NCK1: variants seen among roughly 807,000 people sequenced by gnomAD.
The protein encoded by NCK1 is SH2/SH3 adapter protein NCK1.
A neutral mutation model predicts 36.6 loss-of-function variants in NCK1; 19 were observed. The observed-to-expected ratio is 0.52, with a 90% CI of 0.36 to 0.76. NCK1 has a LOEUF of 0.76. Among genes scored for constraint, NCK1 ranks in the 30% least tolerant of loss-of-function variants. The probability of loss-of-function intolerance (pLI) is 0.00; values close to 1 mark genes in which losing one functional copy is unlikely to be tolerated. For missense variants in NCK1, 358 were observed against 445.6 expected (o/e 0.80, Z 1.77); for synonymous variants, 165 against 156.0 (o/e 1.06, Z -0.43).
intron 1 of NCK1, among the ~76,000 whole-genome samples, chr3:136,890,804 T>C (rs188877138): frequency 6.6e-6 from 1 of 152,206 alleles, no homozygotes; most frequent in South Asian, 2.1e-4. Flanking sequence ...CACATTGTTA[T>C]GCAGCCATCA....
Position 136,888,232 on chromosome 3 carries a change from C to T in NCK1, c.-19+25879C>T, listed in dbSNP as rs143160760. ...TGCTGAGATTACAGGTGTGAGCCAC[C>T]GTGCCTGGCCCTCCTTGCTTTATTT... is the stretch of plus-strand genomic sequence containing the variant. On this transcript the variant is annotated intron_variant, in intron 1 of 3. Transcript: ENST00000481752. Among the ~76,000 whole-genome samples the T allele has an allele frequency of 7.7e-3, 1,174 of 152,154 alleles. 18 individuals are homozygous for T. The highest frequency in any genetic ancestry group is 0.027 in the African/African-American group (1,109 of 41,506).
chr3:136,928,438 G>A (rs544093293), intron 2 of NCK1: 1 of 553,588 alleles, frequency 1.8e-6, no homozygotes, highest in African/African-American at 1.9e-5. Flanking sequence ...CATGCTCCAA[G>A]TCAAGGCAGA....
At chr3:136,884,982 A>G (rs760428778) in intron 1 of NCK1, among the ~76,000 whole-genome samples, 6 of 152,058 alleles carry the variant, frequency 3.9e-5, no homozygotes, top group African/African-American at 1.4e-4. Flanking sequence ...CGGCCTCCCA[A>G]AGTGTTGAGA....
chr3:136,926,716 C>A (rs1017966607), intron 1 of NCK1, among the ~76,000 whole-genome samples: 1 of 152,092 alleles, frequency 6.6e-6, no homozygotes, highest in Non-Finnish European at 1.5e-5. Context: ...ATGATTTCTT[C>A]TTAGATTCAT....
chr3:136,879,367 A>G (rs1484543900), intron 1 of NCK1, among the ~76,000 whole-genome samples: 1 of 152,172 alleles, frequency 6.6e-6, no homozygotes, highest in African/African-American at 2.4e-5. Flanking sequence ...GCAGAATGAG[A>G]GGCTCTATGG....
At chr3:136,938,804 G>C (rs1215491766) in intron 2 of NCK1, among the ~76,000 whole-genome samples, 1 of 152,172 alleles carries the variant, frequency 6.6e-6, no homozygotes, top group Admixed American at 6.5e-5. Context: ...GCCTAACCCT[G>C]TTTTTCCCTT....
At chr3:136,884,709 A>G (rs1939030509) in intron 1 of NCK1, among the ~76,000 whole-genome samples, 1 of 136,234 alleles carries the variant, frequency 7.3e-6, no homozygotes, top group Non-Finnish European at 1.5e-5. Context: ...TTGAGCCACC[A>G]TGCCTGAGCT....
chr3:136,940,031 A>T, intron 2 of NCK1, among the ~76,000 whole-genome samples: 1 of 151,282 alleles, frequency 6.6e-6, no homozygotes, highest in Middle Eastern at 3.4e-3. Flanking sequence ...ATTTTATTTT[A>T]CTTTTTATTT....
At chr3:136,893,039 G>C (rs574024315) in intron 1 of NCK1, among the ~76,000 whole-genome samples, 1 of 149,148 alleles carries the variant, frequency 6.7e-6, no homozygotes, top group African/African-American at 2.5e-5. Flanking sequence ...TACGATGTTT[G>C]GTTTTCCATT....
intron 1 of NCK1, among the ~76,000 whole-genome samples, chr3:136,920,529 CTT>C (rs1438203469): frequency 1.1e-4 from 17 of 152,198 alleles, no homozygotes; most frequent in Non-Finnish European, 1.2e-4. Flanking sequence ...CTTTGACAAA[CTT>C]ATAAATATCT....
In NCK1 at chr3:136,917,977, C is replaced by G. The variant is rs190014379; in HGVS notation, c.-18-10007C>G. On this transcript the variant is annotated intron_variant, in intron 1 of 3. Transcript: ENST00000481752. ...TCTTGTGTTGCTTCTCTGGATCTGT[C>G]CTGTTTTATACCTGACACCTGGCCT... Among the ~76,000 whole-genome samples the G allele has an allele frequency of 2.9e-3, 442 of 152,232 alleles. 7 individuals carry two copies. The highest frequency in any genetic ancestry group is 9.4e-3 in the African/African-American group (390 of 41,524).
Position 136,928,272 on chromosome 3 carries a change from C to T in NCK1, c.226+45C>T. ...AAAAGCAACTTTGTTTTAAATGAAA[C>T]CTGCAACTTAGTTCTTTGTACATAA... is the stretch of plus-strand genomic sequence containing the variant. On this transcript the variant is annotated intron_variant, in intron 2 of 3. Transcript: ENST00000481752. 2.0e-6 allele frequency: 3 copies of T among 1,507,078 alleles called. No individual in the cohort carries two copies. The East Asian group carries it at 7.0e-5, about 35-fold the overall frequency. 93.4% of individuals were successfully genotyped at this position (1,507,078 alleles called of 1,614,324 possible).
chr3:136,878,561 A>G (rs1309707609), intron 1 of NCK1, among the ~76,000 whole-genome samples: 1 of 152,158 alleles, frequency 6.6e-6, no homozygotes, highest in Non-Finnish European at 1.5e-5. Flanking sequence ...AAGTGACTCT[A>G]GGGTATGGAG....
intron 2 of NCK1, among the ~76,000 whole-genome samples, chr3:136,931,548 C>A (rs1466975551): frequency 7.0e-6 from 1 of 143,722 alleles, no homozygotes; most frequent in East Asian, 2.2e-4. Flanking sequence ...TGGGGAGTTA[C>A]TAAAATTTCA....
At chr3:136,926,626 A>G (rs947985779) in intron 1 of NCK1, among the ~76,000 whole-genome samples, 5 of 152,112 alleles carry the variant, frequency 3.3e-5, no homozygotes, top group Non-Finnish European at 7.4e-5. Flanking sequence ...CTGTCTATAT[A>G]CACTCCTCTT....
intron 1 of NCK1, among the ~76,000 whole-genome samples, chr3:136,921,931 G>A (rs980521766): frequency 6.6e-6 from 1 of 152,078 alleles, no homozygotes; most frequent in Non-Finnish European, 1.5e-5. Context: ...CTACAGGCAC[G>A]CACCACCACG....
chr3:136,901,921 T>C (rs1939550596), intron 1 of NCK1, among the ~76,000 whole-genome samples: 1 of 152,140 alleles, frequency 6.6e-6, no homozygotes, highest in South Asian at 2.1e-4. Flanking sequence ...GGTTTGGTTC[T>C]AGTTCCTTAA....
At position 136,930,678 on chromosome 3, in the gene NCK1, C is replaced by T. The variant is rs1040598500; in HGVS notation, c.226+2451C>T. On this transcript the variant is annotated intron_variant, in intron 2 of 3. Coordinates refer to ENST00000481752, the MANE Select transcript of NCK1 (RefSeq NM_001291999.2). ...GCTTTTGTAAATTTAAAGGAAAACT[C>T]TTATTTGGTGGGTTTATGTAAGCTA... The T allele has an allele frequency of 7.6e-6, 9 of 1,179,392 alleles. No individual in the cohort carries two copies. In the Admixed American group the frequency reaches 2.5e-4, roughly 33 times the overall value. 73.1% of individuals were successfully genotyped at this position (1,179,392 alleles called of 1,614,324 possible).
At chr3:136,871,799 G>A (rs1938626109) in intron 1 of NCK1, among the ~76,000 whole-genome samples, 1 of 152,334 alleles carries the variant, frequency 6.6e-6, no homozygotes, top group Middle Eastern at 3.4e-3. Context: ...CTGTTCTTGT[G>A]ATAGTGAATA....
Sources: allele counts gnomAD v4.1 joint callset (sites outside exome capture counted in the v4.1 genomes callset), GRCh38; gene constraint gnomAD v4.1.1; transcripts MANE v1.5; gene names NCBI Gene and HGNC (gene_info 2026-07-23, HGNC 2026-07-21).